LRRK2: variants seen among roughly 807,000 people sequenced by gnomAD.
LRRK2 encodes leucine rich repeat kinase 2.
Under a neutral mutation model 302.6 loss-of-function variants are expected in LRRK2, and 203 were observed. The observed-to-expected ratio is 0.67, with a 90% CI of 0.60 to 0.75. The LOEUF (loss-of-function observed/expected upper bound fraction) is 0.75. LRRK2 is among the 30% of genes least tolerant of loss of function. The probability of loss-of-function intolerance (pLI) is 0.00; values close to 1 mark genes in which losing one functional copy is unlikely to be tolerated. For missense variants in LRRK2, 2,830 were observed against 2,951.0 expected (o/e 0.96, Z 0.95); for synonymous variants, 1,066 against 1,031.9 (o/e 1.03, Z -0.63).
Position 40,251,258 on chromosome 12 carries a change from T to A in LRRK2, c.985T>A (p.Leu329Ile), listed in dbSNP as rs1365425263. The A allele has an allele frequency of 1.2e-6, 2 of 1,605,050 alleles. No homozygotes were observed. Among genetic ancestry groups the A allele is most frequent in the Non-Finnish European group, 1.7e-6 (2 of 1,173,814 alleles). ...LTETIFLNQD[L>I]EEKNENQEND... ...TGAGACTATTTTCTTAAATCAAGAT[T>A]TAGAGGAAAAGAATGAGAATCAAGA... The change falls in exon 9 of 51, where the codon TTA becomes ATA. Residue 329 changes from leucine (L) to isoleucine (I), a missense_variant. By Grantham distance (5) the Leu-to-Ile change is conservative. This residue lies in a region of LRRK2 where 2,121 missense variants were observed against 2,148.0 expected (regional missense o/e 0.99). Transcript: ENST00000298910.
At chr12:40,328,276 G>T (rs1945610622) in intron 38 of LRRK2, 84 bp from the exon 39 acceptor site, 2 of 1,031,900 alleles carry the variant, frequency 1.9e-6, no homozygotes, top group Middle Eastern at 2.6e-4. Context: ...ATTTACAACA[G>T]ATATAATTAC....
Position 40,263,911 on chromosome 12 carries a change from A to ATATAAGTT in LRRK2, c.1656+12_1656+19dup. ...AGCAGCTTTGAACAGGGTATGTTGAATATAAGTTTTCTGTATTTATACTAT... is the reference window on the plus strand; with the variant it reads ...AGCAGCTTTGAACAGGGTATGTTGAATATAAGTTTATAAGTTTTCTGTATTTATACTAT... On this transcript the variant is annotated intron_variant, in intron 14 of 50. Transcript: ENST00000298910. The ATATAAGTT allele has an allele frequency of 6.4e-7, 1 of 1,572,222 alleles. No homozygotes were observed. Among genetic ancestry groups the ATATAAGTT allele is most frequent in the Non-Finnish European group, 8.8e-7 (1 of 1,142,822 alleles).
At chr12:40,251,632 T>G (rs777766351) in intron 10 of LRRK2, 88 bp downstream of exon 10, 2 of 1,183,370 alleles carry the variant, frequency 1.7e-6, no homozygotes, top group Admixed American at 4.2e-5. Context: ...ACTTTTATTG[T>G]TAGAAATATT....
intron 43 of LRRK2, among the ~76,000 whole-genome samples, chr12:40,349,127 T>C (rs1242732352): frequency 6.6e-6 from 1 of 152,202 alleles, no homozygotes; most frequent in Non-Finnish European, 1.5e-5. Context: ...CTTTTTTTAA[T>C]GTGGAAGACT....
At chr12:40,326,692 T>C (rs1276142859) in intron 38 of LRRK2, among the ~76,000 whole-genome samples, 1 of 152,120 alleles carries the variant, frequency 6.6e-6, no homozygotes, top group Non-Finnish European at 1.5e-5. Flanking sequence ...GCTTTCTTTC[T>C]CTTTTCCCTC....
chr12:40,299,171 G>T lies in LRRK2; in HGVS notation c.3410G>T (p.Ser1137Ile). ...RLKELKILNL[S>I]KNHISSLSEN... Reference sequence around the variant, plus strand: ...AAGGAACTGAAGATTTTAAACCTTAGTAAGAACCACATTTCATCCCTATCA... The same window carrying T: ...AAGGAACTGAAGATTTTAAACCTTATTAAGAACCACATTTCATCCCTATCA... Residue 1137 changes from serine (S) to isoleucine (I), a missense_variant, in exon 25 of 51, where the codon AGT becomes ATT. Coordinates refer to ENST00000298910, the MANE Select transcript of LRRK2 (RefSeq NM_198578.4). 1 of 1,613,412 alleles carries T rather than the reference G, an allele frequency of 6.2e-7. No homozygotes were observed. The highest frequency in any genetic ancestry group is 1.1e-5 in the South Asian group (1 of 91,064).
chr12:40,294,151 CTATCTATCT>C (rs1183009631), intron 21 of LRRK2, among the ~76,000 whole-genome samples: 1 of 151,236 alleles, frequency 6.6e-6, no homozygotes, highest in South Asian at 2.2e-4. Flanking sequence ...ATCTATCTAT[CTATCTATCT>C]ATCTATCTAT....
At position 40,236,863 on chromosome 12, in the gene LRRK2, T is replaced by A. The variant is rs542439627; in HGVS notation, c.437-1106T>A. ...AACCTCACCCTTGGGAGGTATTTTT[T>A]TTTTGACGGAGATTCATTCTCCATT... On this transcript the variant is annotated intron_variant, in intron 4 of 50. Coordinates refer to ENST00000298910, the MANE Select transcript of LRRK2 (RefSeq NM_198578.4). 5.1e-3 allele frequency among the ~76,000 whole-genome samples: 781 copies of A among 152,268 alleles called. 1 individual carries two copies. The highest frequency in any genetic ancestry group is 9.4e-3 in the Non-Finnish European group (639 of 68,020).
intron 20 of LRRK2, among the ~76,000 whole-genome samples, chr12:40,290,181 C>T (rs868777131): frequency 6.6e-6 from 1 of 151,938 alleles, no homozygotes; most frequent in Non-Finnish European, 1.5e-5. Flanking sequence ...CTGAGGTATT[C>T]ATATTTTTCA....
At chr12:40,312,145 G>A (rs143499594) in intron 31 of LRRK2, among the ~76,000 whole-genome samples, 1 of 152,130 alleles carries the variant, frequency 6.6e-6, no homozygotes, top group East Asian at 1.9e-4. Context: ...AGATAAGATG[G>A]TTCATTAAGC....
rs1943395132 is a variant in LRRK2 at position 40,275,126 on chromosome 12, T to C, written c.1941+133T>C. The stretch of plus-strand genomic sequence containing the variant: ...AACCATTTATCCTTTTGTAGTATTT[T>C]AATTATACAAGCAAAGAAAATTGGA... On this transcript the variant is annotated intron_variant, in intron 16 of 50. Coordinates refer to ENST00000298910, the MANE Select transcript of LRRK2 (RefSeq NM_198578.4). The C allele has an allele frequency of 9.0e-6, 9 of 1,004,504 alleles. No homozygotes were observed. The East Asian group carries it at 2.3e-4, about 25-fold the overall frequency. The allele number at this position is 1,004,504 out of a possible 1,614,324, so 62.2% of individuals were successfully genotyped here.
Position 40,235,755 on chromosome 12 carries a change from A to G in LRRK2, c.436+41A>G, listed in dbSNP as rs1375462272. 6.4e-6 allele frequency: 8 copies of G among 1,241,106 alleles called. No homozygotes were observed. The African/African-American group carries it at 1.2e-4, about 18-fold the overall frequency. The allele number at this position is 1,241,106 out of a possible 1,614,324, so 76.9% of individuals were successfully genotyped here. A position where few individuals can be genotyped will look rare whatever the true frequency, so the allele number is the denominator to read the frequency against. ...GTTTTTTGTGTTGATTCAAATTAAA[A>G]AAAAAGTTGATACCATTAAGTAAAT... is the stretch of plus-strand genomic sequence containing the variant. On this transcript the variant is annotated intron_variant, in intron 4 of 50. Transcript: ENST00000298910.
At chr12:40,310,260 AT>A (rs1307316404) in intron 30 of LRRK2, among the ~76,000 whole-genome samples, 170 bp from the exon 31 acceptor site, 6 of 151,916 alleles carry the variant, frequency 3.9e-5, no homozygotes, top group East Asian at 1.9e-4. Context: ...GTAAGGTTAC[AT>A]TTTTTTCTTA....
At chr12:40,276,136 A>T (rs1156707990) in intron 16 of LRRK2, among the ~76,000 whole-genome samples, 1 of 152,302 alleles carries the variant, frequency 6.6e-6, no homozygotes, top group East Asian at 1.9e-4. Context: ...CCAAGATAGG[A>T]TTGATTAAAA....
chr12:40,225,678 C>G, intron 2 of LRRK2, 38 bp downstream of exon 2: 1 of 1,553,830 alleles, frequency 6.4e-7, no homozygotes, highest in African/African-American at 1.4e-5. Flanking sequence ...ATTCTCCCTT[C>G]TGTTTGGAAG....
chr12:40,287,304 T>C, intron 19 of LRRK2, 47 bp from the exon 20 acceptor site: 1 of 1,550,408 alleles, frequency 6.4e-7, no homozygotes, highest in East Asian at 2.3e-5. Context: ...TGTTTATTTT[T>C]GCATAATTGT....
At chr12:40,329,200 C>G (rs1473634778) in intron 39 of LRRK2, among the ~76,000 whole-genome samples, 3 of 152,264 alleles carry the variant, frequency 2.0e-5, no homozygotes, top group Middle Eastern at 3.4e-3. Context: ...TATCCTATTT[C>G]CTACTCCCTG....
Position 40,298,778 on chromosome 12 carries a change from AATATATAT to A in LRRK2, c.3347+299_3347+306del, listed in dbSNP as rs113272586. 5.6e-4 allele frequency among the ~76,000 whole-genome samples: 34 copies of A among 60,650 alleles called. 2 individuals carry two copies. The highest frequency in any genetic ancestry group is 8.7e-4 in the Non-Finnish European group (27 of 30,920). 39.8% of individuals were successfully genotyped at this position (60,650 alleles called of 152,430 possible). On this transcript the variant is annotated intron_variant, in intron 24 of 50. Coordinates refer to ENST00000298910, the MANE Select transcript of LRRK2 (RefSeq NM_198578.4). The stretch of plus-strand genomic sequence containing the variant: ...CAGAGGCGAGACTCTGTCTCAAAGA[AATATATAT>A]ATATATATATATAATATATGTATTA...
chr12:40,250,701 C>T (rs17443407), intron 8 of LRRK2, among the ~76,000 whole-genome samples: 8,400 of 152,228 alleles, frequency 0.055, 343 homozygotes, highest in Admixed American at 0.13. Context: ...TTGTCCCTCT[C>T]CCTGTGTTCA....
Sources: gnomAD v4.1 joint callset for allele counts (sites outside exome capture counted in the v4.1 genomes callset) on GRCh38, gnomAD v4.1.1 for gene constraint, gnomAD v4.1.1 regional missense constraint, MANE v1.5 for transcripts, NCBI Gene and HGNC (gene_info 2026-07-23, HGNC 2026-07-21) for gene names.